Variants in EPB41L5 observed in about 807,000 individuals in gnomAD.
EPB41L5 encodes the protein band 4.1-like protein 5.
Under a neutral mutation model 106.6 loss-of-function variants are expected in EPB41L5, and 55 were observed. The observed-to-expected ratio is 0.52, with a 90% confidence interval of 0.42 to 0.65. EPB41L5 has a LOEUF of 0.65. Among genes scored for constraint, EPB41L5 ranks in the 30% least tolerant of loss-of-function variants. The probability of loss-of-function intolerance (pLI) is 0.00; values close to 1 mark genes in which losing one functional copy is unlikely to be tolerated. For synonymous variants in EPB41L5, 297 were observed against 306.7 expected, an observed-to-expected ratio of 0.97 and a Z score of 0.33; for missense variants, 871 against 882.1, an observed-to-expected ratio of 0.99 and a Z score of 0.16.
At chr2:120,174,426 C>T (rs1687840200) in intron 24 of EPB41L5, among the ~76,000 whole-genome samples, 1 of 151,638 alleles carries the variant, frequency 6.6e-6, no homozygotes, top group Admixed American at 6.6e-5. Flanking sequence ...GATTATGCCA[C>T]TGCACTCCAG....
chr2:120,015,922 A>T (rs1425965063), intron 1 of EPB41L5, among the ~76,000 whole-genome samples: 3 of 152,106 alleles, frequency 2.0e-5, no homozygotes, highest in South Asian at 2.1e-4. Flanking sequence ...AAAAAAAAAA[A>T]AAAACATAAA....
At chr2:120,037,650 C>T (rs1679128032) in intron 2 of EPB41L5, among the ~76,000 whole-genome samples, 2 of 151,310 alleles carry the variant, frequency 1.3e-5, no homozygotes. Flanking sequence ...GACCCCATCT[C>T]TACAAAAGAA....
rs112467247 is a variant in EPB41L5, at chr2:120,064,630, C to T, written c.286-8548C>T. Reference sequence around the variant, plus strand: ...GGATGCTAAGAAATGTGGCTTTCTACATCCTTTGATATATCTTTATCAATT... The same window carrying T: ...GGATGCTAAGAAATGTGGCTTTCTATATCCTTTGATATATCTTTATCAATT... On this transcript the variant is annotated intron_variant, in intron 3 of 24. Transcript: ENST00000263713. 6.4e-3 allele frequency among the ~76,000 whole-genome samples: 974 copies of T among 152,316 alleles called. 15 individuals are homozygous for T. Among genetic ancestry groups the T allele is most frequent in the African/African-American group, 0.021 (867 of 41,560 alleles).
At chr2:120,157,314 TA>T (rs1472562142) in intron 20 of EPB41L5, among the ~76,000 whole-genome samples, 2 of 151,934 alleles carry the variant, frequency 1.3e-5, no homozygotes, top group African/African-American at 4.8e-5. Context: ...TTTATAGCAC[TA>T]AATGCCCACA....
At position 120,077,269 on chromosome 2, in the gene EPB41L5, A is replaced by G; in HGVS notation, c.667A>G (p.Lys223Glu). 1 of 1,611,892 alleles carries G rather than the reference A, an allele frequency of 6.2e-7. No individual in the cohort carries two copies. Among genetic ancestry groups the G allele is most frequent in the South Asian group, 1.1e-5 (1 of 90,718 alleles). ...ACAGGCTGAAACCAATTATCTGAAT[A>G]AAGCCAAATGGCTAGAAATGTATGG... is the stretch of plus-strand genomic sequence containing the variant. ...PAQAETNYLN[K>E]AKWLEMYGVD... The change falls in exon 9 of 25, where the codon AAA (lysine) becomes GAA (glutamate). Residue 223 changes from lysine (K) to glutamate (E), a missense_variant. By Grantham distance (56) the Lys-to-Glu change is moderately conservative (BLOSUM62 1). Transcript: ENST00000263713.
intron 3 of EPB41L5, among the ~76,000 whole-genome samples, chr2:120,049,869 A>C (rs1053955184): frequency 1.3e-5 from 2 of 152,084 alleles, no homozygotes; most frequent in Admixed American, 6.6e-5. Flanking sequence ...GTGGTGACAA[A>C]ATCTCTCACC....
chr2:120,169,041 GA>G (rs1687545856), intron 24 of EPB41L5, among the ~76,000 whole-genome samples: 1 of 152,182 alleles, frequency 6.6e-6, no homozygotes, highest in Non-Finnish European at 1.5e-5. Context: ...AGCTCTTAAG[GA>G]CTTTCACATT....
In EPB41L5 at chr2:120,178,470, T is replaced by C. The variant is rs1470229596; in HGVS notation, c.*3563T>C. 3 of 151,974 alleles carry C rather than the reference T, an allele frequency of 2.0e-5. No homozygotes were observed. The highest frequency in any genetic ancestry group is 1.5e-5 in the Non-Finnish European group (1 of 67,994). The allele number at this position is 151,974 out of a possible 1,614,324, so 9.4% of individuals were successfully genotyped here. On this transcript the variant is annotated 3_prime_UTR_variant, in exon 25 of 25. Transcript: ENST00000263713. Reference sequence around the variant, plus strand: ...TCTCAGCTCTGAGGGTCTTTGTGAGTTCCCACCAACTTTTAATTATTCATG... The same window carrying C: ...TCTCAGCTCTGAGGGTCTTTGTGAGCTCCCACCAACTTTTAATTATTCATG...
chr2:120,122,657 G>A (rs1685275114), intron 16 of EPB41L5, among the ~76,000 whole-genome samples: 2 of 152,130 alleles, frequency 1.3e-5, no homozygotes, highest in South Asian at 2.1e-4. Flanking sequence ...TTGGCAATGT[G>A]GGCTCTTTTT....
At chr2:120,093,321 T>G (rs758611172) in intron 14 of EPB41L5, 45 bp downstream of exon 14, 7 of 1,504,868 alleles carry the variant, frequency 4.7e-6, no homozygotes, top group Admixed American at 1.7e-5. Context: ...GAATTTGGGA[T>G]TTATGTAGTT....
chr2:120,169,312 C>G (rs1435115874), intron 24 of EPB41L5, among the ~76,000 whole-genome samples: 1 of 151,990 alleles, frequency 6.6e-6, no homozygotes, highest in Non-Finnish European at 1.5e-5. Context: ...TAATCTTGAC[C>G]CAACTCCATA....
intron 18 of EPB41L5, among the ~76,000 whole-genome samples, chr2:120,140,369 G>C (rs145953170): frequency 6.6e-6 from 1 of 152,020 alleles, no homozygotes; most frequent in African/African-American, 2.4e-5. Context: ...CTGATGTGAT[G>C]ATTACACATT....
chr2:120,120,934 G>A (rs182131642), intron 16 of EPB41L5, among the ~76,000 whole-genome samples: 201 of 152,284 alleles, frequency 1.3e-3, no homozygotes, highest in Admixed American at 3.7e-3. Flanking sequence ...CGGCCAACAT[G>A]GCGAAACCCC....
At chr2:120,045,132 A>G (rs1039569120) in intron 3 of EPB41L5, among the ~76,000 whole-genome samples, 1 of 152,196 alleles carries the variant, frequency 6.6e-6, no homozygotes, top group Admixed American at 6.5e-5. Flanking sequence ...ATGTCCATAT[A>G]TGTAAGGTTA....
chr2:120,019,506 A>G (rs777391851), intron 2 of EPB41L5, among the ~76,000 whole-genome samples: 5 of 152,204 alleles, frequency 3.3e-5, no homozygotes, highest in Non-Finnish European at 7.3e-5. Context: ...ATGACAGGGC[A>G]GTTATTGGCA....
At chr2:120,159,536 C>T (rs946536772) in intron 20 of EPB41L5, among the ~76,000 whole-genome samples, 2 of 151,708 alleles carry the variant, frequency 1.3e-5, no homozygotes, top group Admixed American at 6.6e-5. Context: ...CATTCTTCAC[C>T]GAACTAGAAG....
chr2:120,069,112 G>A (rs1199893051), intron 3 of EPB41L5, among the ~76,000 whole-genome samples: 5 of 119,276 alleles, frequency 4.2e-5, no homozygotes, highest in Admixed American at 9.6e-5. Context: ...TGGGCAACAA[G>A]AGTGAAACTC....
intron 14 of EPB41L5, among the ~76,000 whole-genome samples, chr2:120,099,449 A>G (rs1375103717): frequency 1.4e-5 from 2 of 147,974 alleles, no homozygotes; most frequent in Non-Finnish European, 3.0e-5. Flanking sequence ...TTTTTTTGAG[A>G]TGGAGTCTCG....
intron 20 of EPB41L5, 190 bp from the exon 21 acceptor site, chr2:120,160,691 C>A: frequency 5.5e-6 from 3 of 544,230 alleles, no homozygotes; most frequent in Non-Finnish European, 3.3e-6. Flanking sequence ...TATTAAAAAA[C>A]CATTTTAACT....
Sources: allele counts gnomAD v4.1 joint callset (sites outside exome capture counted in the v4.1 genomes callset), GRCh38; gene constraint gnomAD v4.1.1; transcripts MANE v1.5; gene names NCBI Gene and HGNC (gene_info 2026-07-23, HGNC 2026-07-21).